The following ESR1 variants were observed in gnomAD, a reference collection of about 807,000 sequenced individuals.
ESR1 encodes estrogen receptor 1.
In ESR1, 12 loss-of-function variants were observed where a neutral mutation model predicts 52.7. That is an observed-to-expected ratio of 0.23 (90% CI 0.15 to 0.37). ESR1 has a LOEUF of 0.37. ESR1 is among the 10% of genes least tolerant of loss of function. ESR1 has a pLI of 1.00. For missense variants in ESR1, 584 were observed against 779.7 expected (o/e 0.75, Z 2.99); for synonymous variants, 305 against 316.8 (o/e 0.96, Z 0.39).
intron 2 of ESR1, among the ~76,000 whole-genome samples, chr6:151,717,643 A>G (rs1033514679): frequency 1.3e-5 from 2 of 152,236 alleles, no homozygotes; most frequent in Non-Finnish European, 2.9e-5. Flanking sequence ...GTCTTAAACC[A>G]TTAATATTGG....
intron 2 of ESR1, among the ~76,000 whole-genome samples, chr6:151,720,058 T>C (rs1192892158): frequency 2.0e-5 from 3 of 152,086 alleles, no homozygotes; most frequent in Admixed American, 6.6e-5. Flanking sequence ...AAGGGCAGAG[T>C]GTTATGAAAT....
chr6:151,688,589 A>T (rs1320630109), upstream of ESR1, among the ~76,000 whole-genome samples: 1 of 152,122 alleles, frequency 6.6e-6, no homozygotes, highest in African/African-American at 2.4e-5. Flanking sequence ...CTCTGGTTGG[A>T]TAAAAAATAT....
At chr6:151,699,860 A>G (rs6905384) in intron 1 of ESR1, among the ~76,000 whole-genome samples, 6,216 of 152,184 alleles carry the variant, frequency 0.041, 415 homozygotes, top group African/African-American at 0.14. Context: ...AGCCAAGTTG[A>G]GAATTGAGCA....
chr6:151,754,349 G>A (rs1255520158), intron 2 of ESR1, among the ~76,000 whole-genome samples: 1 of 150,900 alleles, frequency 6.6e-6, no homozygotes, highest in Non-Finnish European at 1.5e-5. Context: ...TTGCATAAGG[G>A]ATGGATAAAA....
At chr6:152,049,313 G>C (rs546201257) in intron 5 of ESR1, among the ~76,000 whole-genome samples, 1 of 152,154 alleles carries the variant, frequency 6.6e-6, no homozygotes, top group African/African-American at 2.4e-5. Flanking sequence ...ACATGTTAAG[G>C]CTTGTTCTAT....
chr6:151,804,190 A>T (rs777706431), upstream of ESR1, among the ~76,000 whole-genome samples: 2 of 152,250 alleles, frequency 1.3e-5, no homozygotes, highest in Non-Finnish European at 2.9e-5. Flanking sequence ...AAGGCTCACC[A>T]AGATGAGTTT....
chr6:151,917,758 G>T (rs2128454664), intron 3 of ESR1, among the ~76,000 whole-genome samples: 1 of 152,212 alleles, frequency 6.6e-6, no homozygotes, highest in Non-Finnish European at 1.5e-5. Flanking sequence ...CTGCCTCCTT[G>T]GTTGCTTCGG....
intron 4 of ESR1, among the ~76,000 whole-genome samples, chr6:151,989,806 G>T (rs1295471076): frequency 6.6e-6 from 1 of 152,044 alleles, no homozygotes; most frequent in Non-Finnish European, 1.5e-5. Context: ...TTAGTAATTG[G>T]ATTAACTTCC....
chr6:151,676,890 T>A (rs1778271055), intron 1 of ESR1, among the ~76,000 whole-genome samples: 1 of 152,164 alleles, frequency 6.6e-6, no homozygotes, highest in Admixed American at 6.5e-5. Context: ...GGATGGTCCC[T>A]GAGAGCTAAC....
intron 2 of ESR1, among the ~76,000 whole-genome samples, chr6:151,853,572 G>C (rs986343002): frequency 6.6e-6 from 1 of 152,142 alleles, no homozygotes; most frequent in Non-Finnish European, 1.5e-5. Flanking sequence ...AAATGCCTCT[G>C]ACAAATAAAA....
chr6:151,792,909 G>A (rs1230703287), intron 2 of ESR1, among the ~76,000 whole-genome samples: 1 of 152,100 alleles, frequency 6.6e-6, no homozygotes, highest in East Asian at 1.9e-4. Context: ...GGGGGCTCAC[G>A]CCTGTAATCC....
At chr6:151,830,799 A>G (rs1203578470) in intron 1 of ESR1, among the ~76,000 whole-genome samples, 1 of 152,176 alleles carries the variant, frequency 6.6e-6, no homozygotes, top group Non-Finnish European at 1.5e-5. Context: ...ATTTTTCTTA[A>G]GTGAGTGGGA....
chr6:152,077,653 C>T (rs2129001190), intron 6 of ESR1, among the ~76,000 whole-genome samples: 1 of 152,342 alleles, frequency 6.6e-6, no homozygotes, highest in East Asian at 1.9e-4. Context: ...ACTATGGGAA[C>T]CTACCTCTTG....
chr6:151,923,608 C>T (rs578259579), intron 3 of ESR1, among the ~76,000 whole-genome samples: 86 of 152,302 alleles, frequency 5.6e-4, no homozygotes, highest in Non-Finnish European at 1.0e-3. Flanking sequence ...TGGCTACTTT[C>T]ACTTAGCAAT....
chr6:151,861,761 T>G (rs1788933212), intron 2 of ESR1, among the ~76,000 whole-genome samples: 1 of 152,194 alleles, frequency 6.6e-6, no homozygotes, highest in Admixed American at 6.5e-5. Flanking sequence ...TGGCTCTTAT[T>G]CTTACACTTT....
intron 4 of ESR1, among the ~76,000 whole-genome samples, chr6:151,956,470 A>G (rs2128575902): frequency 6.6e-6 from 1 of 152,358 alleles, no homozygotes; most frequent in East Asian, 1.9e-4. Flanking sequence ...TGTTGCAGAT[A>G]GTAGCTAATT....
At chr6:151,776,211 G>A (rs1051786787) in intron 2 of ESR1, among the ~76,000 whole-genome samples, 1 of 152,144 alleles carries the variant, frequency 6.6e-6, no homozygotes, top group Non-Finnish European at 1.5e-5. Context: ...GAGGTGAATA[G>A]ACTGGGGACA....
At chr6:152,024,106 C>G (rs1482144375) in intron 5 of ESR1, among the ~76,000 whole-genome samples, 1 of 152,048 alleles carries the variant, frequency 6.6e-6, no homozygotes, top group Non-Finnish European at 1.5e-5. Flanking sequence ...AATGTATATT[C>G]AGTTGTCTCA....
intron 2 of ESR1, among the ~76,000 whole-genome samples, chr6:151,843,614 T>G (rs1407161042): frequency 6.6e-6 from 1 of 152,172 alleles, no homozygotes; most frequent in African/African-American, 2.4e-5. Flanking sequence ...CTAACCAAAT[T>G]CATTTTTTAT....
Sources: allele counts gnomAD v4.1 joint callset (sites outside exome capture counted in the v4.1 genomes callset), GRCh38; gene constraint gnomAD v4.1.1; transcripts MANE v1.5; gene names NCBI Gene and HGNC (gene_info 2026-07-23, HGNC 2026-07-21).